Variants in SPAG17 observed in about 807,000 individuals in gnomAD.
SPAG17 encodes sperm-associated antigen 17.
SPAG17 carries 169 observed loss-of-function variants against 273.6 expected under a neutral mutation model. That is an observed-to-expected ratio of 0.62 (90% CI 0.55 to 0.70). The LOEUF (loss-of-function observed/expected upper bound fraction) is 0.70. Among genes scored for constraint, SPAG17 ranks in the 30% least tolerant of loss-of-function variants. SPAG17 has a pLI of 0.00. For missense variants in SPAG17, 2,557 were observed against 2,627.8 expected (o/e 0.97, Z 0.59); for synonymous variants, 825 against 873.2 (o/e 0.94, Z 0.97).
chr1:118,046,689 TGA>T (rs1198247390), intron 20 of SPAG17, among the ~76,000 whole-genome samples: 1 of 152,052 alleles, frequency 6.6e-6, no homozygotes, highest in African/African-American at 2.4e-5. Flanking sequence ...ACTTATGCAA[TGA>T]GAGAGAAAAG....
chr1:117,963,743 T>C (rs940390224), intron 48 of SPAG17, 56 bp downstream of exon 48: 33 of 1,531,016 alleles, frequency 2.2e-5, no homozygotes, highest in Non-Finnish European at 2.8e-5. Flanking sequence ...ACCTGGGGTC[T>C]AATACCTCAA....
intron 3 of SPAG17, among the ~76,000 whole-genome samples, chr1:118,117,754 G>T (rs1388390856): frequency 2.0e-5 from 3 of 152,224 alleles, no homozygotes; most frequent in Non-Finnish European, 2.9e-5. Flanking sequence ...CTGCATAAAG[G>T]CACAGCCTGC....
chr1:118,098,559 C>T (rs531037670), intron 6 of SPAG17, among the ~76,000 whole-genome samples: 1 of 151,926 alleles, frequency 6.6e-6, no homozygotes, highest in South Asian at 2.1e-4. Context: ...GCTTATGCAG[C>T]ATTTTCTCAC....
chr1:118,058,922 T>G (rs1202620396), intron 18 of SPAG17, among the ~76,000 whole-genome samples: 1 of 152,166 alleles, frequency 6.6e-6, no homozygotes, highest in African/African-American at 2.4e-5. Flanking sequence ...AAAATAAATT[T>G]GCACACACAT....
intron 1 of SPAG17, among the ~76,000 whole-genome samples, chr1:118,178,208 A>C (rs1660784699): frequency 6.6e-6 from 1 of 152,148 alleles, no homozygotes; most frequent in Admixed American, 6.6e-5. Context: ...TAATACTAGC[A>C]AACCAAATTC....
At chr1:118,076,749 C>A (rs1464543086) in intron 15 of SPAG17, among the ~76,000 whole-genome samples, 2 of 150,574 alleles carry the variant, frequency 1.3e-5, no homozygotes, top group African/African-American at 4.9e-5. Flanking sequence ...TTTTCTTTTT[C>A]TGATTTTTGC....
At chr1:118,179,960 G>A (rs1411492278) in intron 1 of SPAG17, among the ~76,000 whole-genome samples, 1 of 152,048 alleles carries the variant, frequency 6.6e-6, no homozygotes, top group Non-Finnish European at 1.5e-5. Flanking sequence ...TGGCAGGGAT[G>A]TGGAGAAAGA....
rs1227383631 is a variant in SPAG17 at position 117,972,012 on chromosome 1, G to A, written c.6177C>T (p.Ser2059=). 2.5e-6 allele frequency: 4 copies of A among 1,613,790 alleles called. No homozygotes were observed. Among genetic ancestry groups the A allele is most frequent in the Admixed American group, 3.3e-5 (2 of 60,004 alleles). The change falls in exon 45 of 49, where the codon TCC becomes TCT. Residue 2059 remains serine (S), a synonymous_variant. Coordinates refer to ENST00000336338, the MANE Select transcript of SPAG17 (RefSeq NM_206996.4). ...TATTAATGGCAGCAGATGCAACAGAGGATGTGTTCACTTTTCCTCCAACAG... is the reference window on the plus strand; with the variant it reads ...TATTAATGGCAGCAGATGCAACAGAAGATGTGTTCACTTTTCCTCCAACAG... The part of the protein sequence containing the change: ...QDSVGGKVNT[S]SVASAAINNA...
chr1:118,099,902 C>T (rs995352136), intron 5 of SPAG17, 102 bp from the exon 6 acceptor site: 7 of 1,006,444 alleles, frequency 7.0e-6, no homozygotes, highest in African/African-American at 6.5e-5. Context: ...CATTTATAAT[C>T]CCTCTGGCTT....
intron 48 of SPAG17, chr1:117,954,683 C>T: frequency 5.8e-6 from 9 of 1,544,454 alleles, no homozygotes; most frequent in Non-Finnish European, 8.0e-6. Flanking sequence ...CTTACAAGGA[C>T]AAGAAAGGAA....
At position 117,976,855 on chromosome 1, in the gene SPAG17, C is replaced by T. The variant is rs1271814272; in HGVS notation, c.6005-3294G>A. ...AGTATTATCACAGTCAGCACTGAAC[C>T]CATGTTTTATTTTGCAAGTCCACAC... On this transcript the variant is annotated intron_variant, in intron 43 of 48. Coordinates refer to ENST00000336338, the MANE Select transcript of SPAG17 (RefSeq NM_206996.4). 2.0e-5 allele frequency among the ~76,000 whole-genome samples: 3 copies of T among 152,056 alleles called. No homozygotes were observed. In the East Asian group the frequency reaches 5.8e-4, roughly 29 times the overall value.
In SPAG17 at chr1:118,026,835, G is replaced by A. The variant is rs1037727159; in HGVS notation, c.3731-1419C>T. 3.9e-5 allele frequency among the ~76,000 whole-genome samples: 6 copies of A among 152,004 alleles called. No homozygotes were observed. The East Asian group carries it at 5.8e-4, about 15-fold the overall frequency. On this transcript the variant is annotated intron_variant, in intron 26 of 48. Transcript: ENST00000336338. ...TCTAGGCTCTTTCCTCTTATGCTAC[G>A]ATAACTGTCTTTCCCTAAAGTCCAA...
chr1:118,177,598 T>C (rs1309948933), intron 1 of SPAG17, among the ~76,000 whole-genome samples: 2 of 151,830 alleles, frequency 1.3e-5, no homozygotes, highest in African/African-American at 4.8e-5. Context: ...TAAATGAAAA[T>C]GAAGCTAAAA....
chr1:118,060,071 A>T (rs1246432075), intron 18 of SPAG17, among the ~76,000 whole-genome samples: 1 of 151,978 alleles, frequency 6.6e-6, no homozygotes, highest in East Asian at 1.9e-4. Context: ...ATGTTGAATA[A>T]TTTTCAATTT....
chr1:118,107,841 T>C (rs1484318882), intron 4 of SPAG17, among the ~76,000 whole-genome samples: 4 of 152,216 alleles, frequency 2.6e-5, no homozygotes, highest in Non-Finnish European at 5.9e-5. Flanking sequence ...TGAATTAACT[T>C]TCTGCATCAT....
intron 28 of SPAG17, among the ~76,000 whole-genome samples, chr1:118,017,402 A>G (rs191485654): frequency 1.3e-5 from 2 of 152,246 alleles, no homozygotes; most frequent in Non-Finnish European, 2.9e-5. Flanking sequence ...CATGGTATAC[A>G]CAGACAACTA....
chr1:118,150,349 G>GGAAATTTT (rs1326757354), intron 3 of SPAG17, 194 bp downstream of exon 3: 4 of 380,118 alleles, frequency 1.1e-5, no homozygotes, highest in Non-Finnish European at 1.4e-5. Context: ...ATTTGTAAAG[G>GGAAATTTT]GAAATTTTGA....
At chr1:118,125,245 A>ATATTTTTT (rs146004766) in intron 3 of SPAG17, among the ~76,000 whole-genome samples, 27 of 150,828 alleles carry the variant, frequency 1.8e-4, no homozygotes, top group Middle Eastern at 3.5e-3. Context: ...ATATATATAT[A>ATATTTTTT]TTTTTGACAT....
intron 44 of SPAG17, among the ~76,000 whole-genome samples, chr1:117,972,851 A>C (rs1014016119): frequency 1.3e-5 from 2 of 152,182 alleles, no homozygotes; most frequent in Non-Finnish European, 2.9e-5. Flanking sequence ...TCTTAATCTT[A>C]GGGGCTCTGA....
Sources: gnomAD v4.1 joint callset for allele counts (sites outside exome capture counted in the v4.1 genomes callset) on GRCh38, gnomAD v4.1.1 for gene constraint, MANE v1.5 for transcripts, NCBI Gene and HGNC (gene_info 2026-07-23, HGNC 2026-07-21) for gene names.